Variants in RIN2 observed in about 807,000 individuals in gnomAD.
The protein encoded by RIN2 is RAB5 interacting protein 2.
In RIN2, 36 loss-of-function variants were observed where a neutral mutation model predicts 78.0. The observed-to-expected ratio is 0.46, with a 90% CI of 0.35 to 0.61. RIN2 has a LOEUF of 0.61. RIN2 is among the 20% of genes least tolerant of loss of function. The pLI is 0.00. For synonymous variants in RIN2, 466 were observed against 466.8 expected, an observed-to-expected ratio of 1.00 and a Z score of 0.02; for missense variants, 1,087 against 1,159.7, an observed-to-expected ratio of 0.94 and a Z score of 0.91.
chr20:19,760,067 G>A (rs1439958742), intron 1 of RIN2, among the ~76,000 whole-genome samples: 1 of 152,194 alleles, frequency 6.6e-6, no homozygotes, highest in Admixed American at 6.5e-5. Flanking sequence ...AAATGTAGGA[G>A]GATATTGTCA....
intron 1 of RIN2, among the ~76,000 whole-genome samples, chr20:19,786,213 A>T (rs1049488033): frequency 6.6e-6 from 1 of 152,222 alleles, no homozygotes; most frequent in Non-Finnish European, 1.5e-5. Context: ...ACCCAATAGA[A>T]TGCAGCAGAA....
At chr20:19,934,967 TAAAAA>T in intron 3 of RIN2, 127 bp from the exon 4 acceptor site, 2 of 508,064 alleles carry the variant, frequency 3.9e-6, no homozygotes, top group Non-Finnish European at 3.3e-6. Flanking sequence ...GAGCCAAGAT[TAAAAA>T]AAAAAAAAAA....
chr20:19,861,559 CACCCTCCATATCTGATG>C (rs2037337004), intron 2 of RIN2, among the ~76,000 whole-genome samples: 1 of 150,726 alleles, frequency 6.6e-6, no homozygotes, highest in Non-Finnish European at 1.5e-5. Context: ...CTTATCTGAT[CACCCTCCATATCTGATG>C]ATCACCCTCC....
intron 3 of RIN2, among the ~76,000 whole-genome samples, chr20:19,919,021 C>T (rs768268481): frequency 1.3e-5 from 2 of 152,214 alleles, no homozygotes; most frequent in Non-Finnish European, 2.9e-5. Flanking sequence ...GGCTGGAAGG[C>T]CCCGCAGTGA....
intron 4 of RIN2, among the ~76,000 whole-genome samples, chr20:19,939,737 GAA>G (rs921220187): frequency 2.6e-5 from 4 of 152,128 alleles, no homozygotes; most frequent in African/African-American, 9.6e-5. Context: ...CTTCCCCCAG[GAA>G]GCCTTCACCC....
intron 5 of RIN2, among the ~76,000 whole-genome samples, chr20:19,960,147 T>G (rs2146255455): frequency 1.3e-5 from 2 of 152,306 alleles, no homozygotes; most frequent in East Asian, 3.9e-4. Context: ...CTATATCATC[T>G]CATTTTCCAA....
intron 3 of RIN2, among the ~76,000 whole-genome samples, chr20:19,928,937 T>A (rs1264827043): frequency 1.3e-5 from 2 of 152,158 alleles, no homozygotes; most frequent in Non-Finnish European, 2.9e-5. Flanking sequence ...CGGCAAGACC[T>A]CCGTTGAGGT....
intron 1 of RIN2, among the ~76,000 whole-genome samples, chr20:19,796,666 A>G (rs1175344407): frequency 6.6e-6 from 1 of 152,200 alleles, no homozygotes; most frequent in African/African-American, 2.4e-5. Flanking sequence ...GGAATCACGC[A>G]GGGAGCTTCA....
intron 2 of RIN2, among the ~76,000 whole-genome samples, chr20:19,874,663 G>T (rs1027035112): frequency 2.4e-4 from 37 of 152,210 alleles, no homozygotes; most frequent in African/African-American, 8.7e-4. Flanking sequence ...GCACAGCAAT[G>T]CTTCTCTCAG....
intron 2 of RIN2, among the ~76,000 whole-genome samples, chr20:19,822,151 G>A (rs1426069792): frequency 6.6e-6 from 1 of 152,124 alleles, no homozygotes; most frequent in Non-Finnish European, 1.5e-5. Flanking sequence ...TTTCTAGGTG[G>A]CTCACAGGTC....
intron 2 of RIN2, among the ~76,000 whole-genome samples, chr20:19,863,375 C>T (rs1317783481): frequency 6.6e-6 from 1 of 152,172 alleles, no homozygotes; most frequent in African/African-American, 2.4e-5. Context: ...GCAGCTCACA[C>T]CAACTTGACT....
Position 19,789,116 on chromosome 20 carries a change from A to G in RIN2, c.-162-10506A>G, listed in dbSNP as rs370420044. ...AGTTCAGAGACAGAGCTACAAGATA[A>G]TGCAGTATCTTGGCTTACAACAAAG... On this transcript the variant is annotated intron_variant, in intron 1 of 12. Transcript: ENST00000255006. 2.0e-5 allele frequency among the ~76,000 whole-genome samples: 3 copies of G among 152,332 alleles called. No individual in the cohort carries two copies. The South Asian group carries it at 6.2e-4, about 32-fold the overall frequency.
At chr20:19,934,982 A>T in intron 3 of RIN2, 117 bp from the exon 4 acceptor site, 7 of 639,488 alleles carry the variant, frequency 1.1e-5, no homozygotes, top group Non-Finnish European at 1.6e-5. Context: ...AAAAAAAAAA[A>T]GAAATAGAAA....
intron 2 of RIN2, among the ~76,000 whole-genome samples, chr20:19,814,387 C>T (rs1218840489): frequency 2.0e-5 from 3 of 151,942 alleles, no homozygotes; most frequent in Admixed American, 2.0e-4. Flanking sequence ...CCACCCCCTC[C>T]CCAGTGCTTC....
intron 2 of RIN2, among the ~76,000 whole-genome samples, chr20:19,860,117 CTG>C (rs1313899037): frequency 1.3e-5 from 2 of 152,206 alleles, no homozygotes; most frequent in African/African-American, 4.8e-5. Flanking sequence ...TGGCTTATCT[CTG>C]TCACTGGCTG....
chr20:19,834,682 TTTTTC>T (rs2036352269), intron 2 of RIN2, among the ~76,000 whole-genome samples: 1 of 152,212 alleles, frequency 6.6e-6, no homozygotes, highest in Non-Finnish European at 1.5e-5. Flanking sequence ...TCTTTTTAGT[TTTTTC>T]TTTTGTTTTT....
chr20:19,893,330 G>T (rs1668392648), intron 3 of RIN2, among the ~76,000 whole-genome samples: 1 of 152,146 alleles, frequency 6.6e-6, no homozygotes, highest in African/African-American at 2.4e-5. Flanking sequence ...GAGGTTTCCT[G>T]GTCACATTCT....
chr20:19,865,825 A>G (rs1010136116), intron 2 of RIN2, among the ~76,000 whole-genome samples: 1 of 152,096 alleles, frequency 6.6e-6, no homozygotes, highest in Non-Finnish European at 1.5e-5. Context: ...TAATAAAAAT[A>G]TACACATACA....
chr20:19,996,949 A>G, intron 12 of RIN2, 107 bp downstream of exon 12: 1 of 1,195,974 alleles, frequency 8.4e-7, no homozygotes, highest in Non-Finnish European at 1.2e-6. Flanking sequence ...ATTATTTGGC[A>G]GGAAAGGGAT....
Sources: gnomAD v4.1 joint callset for allele counts (sites outside exome capture counted in the v4.1 genomes callset) on GRCh38, gnomAD v4.1.1 for gene constraint, MANE v1.5 for transcripts, NCBI Gene and HGNC (gene_info 2026-07-23, HGNC 2026-07-21) for gene names.